The following ABCC5 variants were observed in gnomAD, a reference collection of about 807,000 sequenced individuals.
The protein encoded by ABCC5 is ATP-binding cassette sub-family C member 5.
A neutral mutation model predicts 160.9 loss-of-function variants in ABCC5; 61 were observed. The observed-to-expected ratio is 0.38, with a 90% CI of 0.31 to 0.47. The LOEUF is 0.47. Ranked by LOEUF, ABCC5 falls within the 20% of genes least tolerant of loss-of-function variation. ABCC5 has a pLI of 0.99. For synonymous variants in ABCC5, 666 were observed against 700.6 expected (o/e 0.95, Z 0.78); for missense variants, 1,308 against 1,813.3 (o/e 0.72, Z 5.06).
chr3:183,954,761 G>A (rs1277993511), intron 17 of ABCC5, among the ~76,000 whole-genome samples: 12 of 152,144 alleles, frequency 7.9e-5, no homozygotes, highest in Admixed American at 4.6e-4. Context: ...ATTTTGCCAC[G>A]GTTAAGAATC....
At chr3:184,008,912 A>G (rs982030157) in intron 2 of ABCC5, among the ~76,000 whole-genome samples, 5 of 152,108 alleles carry the variant, frequency 3.3e-5, no homozygotes, top group African/African-American at 9.7e-5. Flanking sequence ...GGTGGAGTGC[A>G]GTGGCACAAT....
Position 183,978,659 on chromosome 3 carries a change from T to C in ABCC5, c.1148-8A>G. ...GCTCCTCCTCGCGGATTTCTATGAATAAAAAGCAAGCCAATTTCAAAGCAA... is the reference window on the plus strand; with the variant it reads ...GCTCCTCCTCGCGGATTTCTATGAACAAAAAGCAAGCCAATTTCAAAGCAA... On this transcript the variant is annotated splice_polypyrimidine_tract_variant and splice_region_variant and intron_variant, in intron 8 of 29. Coordinates refer to ENST00000334444, the MANE Select transcript of ABCC5 (RefSeq NM_005688.4). The C allele has an allele frequency of 6.2e-7, 1 of 1,611,548 alleles. No individual in the cohort carries two copies. Among genetic ancestry groups the C allele is most frequent in the African/African-American group, 1.3e-5 (1 of 74,832 alleles).
chr3:183,951,321 C>A lies in ABCC5; in HGVS notation c.2944+120G>T. 1 of 1,326,570 alleles carries A rather than the reference C, an allele frequency of 7.5e-7. No individual in the cohort carries two copies. Among genetic ancestry groups the A allele is most frequent in the Admixed American group, 2.4e-5 (1 of 41,112 alleles). 82.2% of individuals were successfully genotyped at this position (1,326,570 alleles called of 1,614,324 possible). ...GTTGCAATGTTCCTGGTGAAAACACCAGCAGTCACTGTGCTCTCAGGATCT... is the reference window on the plus strand; with the variant it reads ...GTTGCAATGTTCCTGGTGAAAACACAAGCAGTCACTGTGCTCTCAGGATCT... On this transcript the variant is annotated intron_variant, in intron 20 of 29. Coordinates refer to ENST00000334444, the MANE Select transcript of ABCC5 (RefSeq NM_005688.4). This position sits in a 1 kb window ranked among gnomAD's most constrained non-coding sequence, Gnocchi z 4.7.
At chr3:183,996,638 C>G (rs1307465725) in intron 2 of ABCC5, among the ~76,000 whole-genome samples, 1 of 152,176 alleles carries the variant, frequency 6.6e-6, no homozygotes, top group Admixed American at 6.6e-5. Context: ...GGCAGAGACT[C>G]AGGGCTCTCC....
intron 2 of ABCC5, among the ~76,000 whole-genome samples, chr3:183,999,539 A>G (rs979967267): frequency 1.3e-4 from 20 of 152,250 alleles, no homozygotes; most frequent in African/African-American, 4.3e-4. Context: ...CAGCACTGGG[A>G]GGCCAAAGTG....
Position 183,921,121 on chromosome 3 carries a change from A to G in ABCC5, c.*179T>C, listed in dbSNP as rs1711926955. 1 of 492,616 alleles carries G rather than the reference A, an allele frequency of 2.0e-6. No individual in the cohort carries two copies. Among genetic ancestry groups the G allele is most frequent in the Admixed American group, 4.0e-5 (1 of 25,272 alleles). 30.5% of individuals were successfully genotyped at this position (492,616 alleles called of 1,614,324 possible). A position where few individuals can be genotyped will look rare whatever the true frequency, so the allele number is the denominator to read the frequency against. On this transcript the variant is annotated 3_prime_UTR_variant, in exon 30 of 30. Coordinates refer to ENST00000334444, the MANE Select transcript of ABCC5 (RefSeq NM_005688.4). This position sits in a 1 kb window ranked among gnomAD's most constrained non-coding sequence, Gnocchi z 4.1. ...TTTTGTTTACATGAATATGGAATAA[A>G]TACAATAATCAAAATATGACTCTCC...
chr3:183,951,692 G>C lies in ABCC5; in HGVS notation c.2815-122C>G. On this transcript the variant is annotated intron_variant, in intron 19 of 29. Transcript: ENST00000334444. This position sits in a 1 kb window ranked among gnomAD's most constrained non-coding sequence, Gnocchi z 4.7. The stretch of plus-strand genomic sequence containing the variant: ...GAGGTGTGAGGGGTCAGGAGGGACA[G>C]GTGGCAAGTGAGAAAAGGTGGAGGC... 1.3e-6 allele frequency: 2 copies of C among 1,483,174 alleles called. No individual in the cohort carries two copies. Among genetic ancestry groups the C allele is most frequent in the Admixed American group, 1.9e-5 (1 of 52,402 alleles). The allele number at this position is 1,483,174 out of a possible 1,614,324, so 91.9% of individuals were successfully genotyped here.
Position 183,987,550 on chromosome 3 carries a change from C to T in ABCC5, c.591+220G>A. 1 of 647,588 alleles carries T rather than the reference C, an allele frequency of 1.5e-6. No individual in the cohort carries two copies. 40.1% of individuals were successfully genotyped at this position (647,588 alleles called of 1,614,324 possible). A position where few individuals can be genotyped will look rare whatever the true frequency, so the allele number is the denominator to read the frequency against. ...TGGAGTCAGTTCCATTTCACCCCCACCCAGAAATCAAGCCAGTTCCATTTC... is the reference window on the plus strand; with the variant it reads ...TGGAGTCAGTTCCATTTCACCCCCATCCAGAAATCAAGCCAGTTCCATTTC... On this transcript the variant is annotated intron_variant, in intron 5 of 29. Transcript: ENST00000334444. This position sits in a 1 kb window ranked among gnomAD's most constrained non-coding sequence, Gnocchi z 4.2.
chr3:183,991,523 C>T (rs1035860056), intron 2 of ABCC5, among the ~76,000 whole-genome samples: 1 of 152,136 alleles, frequency 6.6e-6, no homozygotes, highest in African/African-American at 2.4e-5. Flanking sequence ...CAGCTGGATG[C>T]CTGGGCAGAT....
intron 27 of ABCC5, chr3:183,927,681 T>C: frequency 2.0e-6 from 2 of 985,288 alleles, no homozygotes; most frequent in Non-Finnish European, 2.4e-6. Flanking sequence ...ATCCCAGAAA[T>C]CCCAACGCTT....
chr3:183,962,953 C>G (rs953006595), intron 15 of ABCC5, among the ~76,000 whole-genome samples: 10 of 152,212 alleles, frequency 6.6e-5, no homozygotes, highest in Non-Finnish European at 1.3e-4. Context: ...GGTTTGCCCC[C>G]TAAACGTGAC....
At chr3:183,985,512 C>A in intron 5 of ABCC5, 1 of 805,446 alleles carries the variant, frequency 1.2e-6, no homozygotes, top group African/African-American at 1.7e-5. Context: ...GGGTTTTACA[C>A]TGTCCTTTCC....
At chr3:183,981,278 C>A (rs988679959) in intron 8 of ABCC5, among the ~76,000 whole-genome samples, 1 of 152,136 alleles carries the variant, frequency 6.6e-6, no homozygotes, top group African/African-American at 2.4e-5. Flanking sequence ...AGAGCTAGGA[C>A]CAGCATCCAG....
intron 2 of ABCC5, among the ~76,000 whole-genome samples, chr3:184,000,297 C>G (rs1576928982): frequency 6.6e-6 from 1 of 151,754 alleles, no homozygotes; most frequent in South Asian, 2.1e-4. Flanking sequence ...GAGCCAAGAT[C>G]ATGCCACTGC....
intron 2 of ABCC5, among the ~76,000 whole-genome samples, chr3:184,010,966 T>C (rs966719284): frequency 6.6e-6 from 1 of 151,984 alleles, no homozygotes; most frequent in African/African-American, 2.4e-5. Flanking sequence ...GGTCTCAAAC[T>C]CCTGAGCTCA....
intron 5 of ABCC5, chr3:183,985,000 G>T: frequency 1.0e-6 from 1 of 958,144 alleles, no homozygotes; most frequent in Non-Finnish European, 1.6e-6. Flanking sequence ...GATGGGAGGA[G>T]CAGGGAAGGT....
intron 29 of ABCC5, among the ~76,000 whole-genome samples, chr3:183,923,433 GC>G (rs1181505786): frequency 6.6e-6 from 1 of 152,066 alleles, no homozygotes; most frequent in Non-Finnish European, 1.5e-5. Context: ...GACCAGCCTG[GC>G]CAACATGGTG....
intron 2 of ABCC5, among the ~76,000 whole-genome samples, chr3:183,994,695 T>G (rs1720104516): frequency 6.6e-6 from 1 of 152,074 alleles, no homozygotes; most frequent in Non-Finnish European, 1.5e-5. Context: ...TATATTTTAT[T>G]TTAGCCATTC....
Position 183,963,820 on chromosome 3 carries a change from C to T in ABCC5, c.2032-232G>A, listed in dbSNP as rs564996191. 5.9e-5 allele frequency among the ~76,000 whole-genome samples: 9 copies of T among 152,220 alleles called. No individual in the cohort carries two copies. The highest frequency in any genetic ancestry group is 1.2e-4 in the African/African-American group (5 of 41,458). On this transcript the variant is annotated intron_variant, in intron 14 of 29. Transcript: ENST00000334444. This position sits in a 1 kb window ranked among gnomAD's most constrained non-coding sequence, Gnocchi z 4.6. ...CTACCACTGCCATCTGGGTACCGAT[C>T]AATCCTACATCTGGTCTTGCCAGTC...
Sources: gnomAD v4.1 joint callset for allele counts (sites outside exome capture counted in the v4.1 genomes callset) on GRCh38, gnomAD v4.1.1 for gene constraint, Gnocchi (gnomAD v3.1) non-coding constraint, MANE v1.5 for transcripts, NCBI Gene and HGNC (gene_info 2026-07-23, HGNC 2026-07-21) for gene names.